The following USP32 variants were observed in gnomAD, a reference collection of about 807,000 sequenced individuals.
The protein encoded by USP32 is ubiquitin specific peptidase 32, also known as ubiquitin carboxyl-terminal hydrolase 32.
In USP32, 59 loss-of-function variants were observed where a neutral mutation model predicts 204.8. The ratio of observed to expected loss-of-function variants is 0.29; its 90% CI spans 0.23 to 0.36. The LOEUF (loss-of-function observed/expected upper bound fraction) is 0.36, where lower values mean the gene tolerates loss of function less well. USP32 is among the 10% of genes least tolerant of loss of function. USP32 has a pLI of 1.00. For synonymous variants in USP32, 517 were observed against 678.4 expected, an observed-to-expected ratio of 0.76 and a Z score of 3.70; for missense variants, 1,160 against 1,946.4, an observed-to-expected ratio of 0.60 and a Z score of 7.60.
At chr17:60,332,933 C>T (rs919603560) in intron 2 of USP32, among the ~76,000 whole-genome samples, 1 of 152,042 alleles carries the variant, frequency 6.6e-6, no homozygotes, top group South Asian at 2.1e-4. Context: ...AAAAGAAAAT[C>T]CTCATTGTGA....
chr17:60,317,755 C>G (rs1198682895), intron 2 of USP32, among the ~76,000 whole-genome samples: 1 of 151,798 alleles, frequency 6.6e-6, no homozygotes, highest in African/African-American at 2.4e-5. Context: ...GATTGAGGTA[C>G]CACTGCATTC....
rs538902581 is a variant in USP32 at position 60,225,815 on chromosome 17, G to A, written c.1432+224C>T. 7.2e-5 allele frequency among the ~76,000 whole-genome samples: 11 copies of A among 152,146 alleles called. No individual in the cohort carries two copies. The East Asian group carries it at 1.6e-3, about 21-fold the overall frequency. On this transcript the variant is annotated intron_variant, in intron 13 of 33. Transcript: ENST00000300896. Reference sequence around the variant, plus strand: ...AAAAAAATACAAAAATTAGCCAGGCGTGGTGGCGGGTGCCTGTAATCGCAG... The same window carrying A: ...AAAAAAATACAAAAATTAGCCAGGCATGGTGGCGGGTGCCTGTAATCGCAG...
At chr17:60,259,487 G>T (rs745750033) in intron 9 of USP32, among the ~76,000 whole-genome samples, 4 of 152,122 alleles carry the variant, frequency 2.6e-5, no homozygotes, top group Non-Finnish European at 5.9e-5. Flanking sequence ...GTCCAGGGTT[G>T]GTTCCTGTCT....
chr17:60,367,020 G>C (rs928600782), intron 1 of USP32, among the ~76,000 whole-genome samples: 3 of 152,030 alleles, frequency 2.0e-5, no homozygotes, highest in Non-Finnish European at 4.4e-5. Context: ...GTAGAGACGG[G>C]GTTTCACCGT....
chr17:60,281,927 C>T (rs188845160), intron 5 of USP32, among the ~76,000 whole-genome samples: 29 of 152,288 alleles, frequency 1.9e-4, no homozygotes, highest in Non-Finnish European at 2.9e-5. Flanking sequence ...AATTCCAATG[C>T]TCAATATAGC....
chr17:60,274,054 T>C lies in USP32; in HGVS notation c.572-2573A>G, dbSNP rs188790898. Among the ~76,000 whole-genome samples the C allele has an allele frequency of 9.0e-4, 136 of 151,572 alleles. 1 individual carries two copies. The highest frequency in any genetic ancestry group is 8.8e-3 in the Admixed American group (134 of 15,220). On this transcript the variant is annotated intron_variant, in intron 5 of 33. Transcript: ENST00000300896. ...AACAGGCAAAGCTTTAAAATGTCTATTGTAAGTATCTCAGGAATTAAAGAA... is the reference window on the plus strand; with the variant it reads ...AACAGGCAAAGCTTTAAAATGTCTACTGTAAGTATCTCAGGAATTAAAGAA...
Position 60,178,774 on chromosome 17 carries a change from A to G in USP32, c.*481T>C, listed in dbSNP as rs550668153. The stretch of plus-strand genomic sequence containing the variant: ...TAAGAATCATTTGCACACCTTCGTG[A>G]TCTTGCTTTCTCCATCTTGTCAATA... On this transcript the variant is annotated 3_prime_UTR_variant, in exon 34 of 34. Coordinates refer to ENST00000300896, the MANE Select transcript of USP32 (RefSeq NM_032582.4). 5.3e-5 allele frequency among the ~76,000 whole-genome samples: 8 copies of G among 152,256 alleles called. No individual in the cohort carries two copies. The highest frequency in any genetic ancestry group is 1.2e-4 in the Non-Finnish European group (8 of 68,048).
intron 5 of USP32, among the ~76,000 whole-genome samples, chr17:60,282,170 A>G (rs928527747): frequency 2.0e-5 from 3 of 152,198 alleles, no homozygotes; most frequent in African/African-American, 7.2e-5. Flanking sequence ...GAGCAGTTAA[A>G]ATCATTACAT....
chr17:60,326,759 C>T (rs2088249288), intron 2 of USP32, among the ~76,000 whole-genome samples: 1 of 152,098 alleles, frequency 6.6e-6, no homozygotes, highest in Non-Finnish European at 1.5e-5. Flanking sequence ...AAATATTCCC[C>T]CCAAAGAGAC....
chr17:60,205,968 C>T (rs1271746924), intron 25 of USP32, among the ~76,000 whole-genome samples: 3 of 152,220 alleles, frequency 2.0e-5, no homozygotes, highest in East Asian at 3.8e-4. Context: ...TCTTTTCCTT[C>T]TCTTTGCCTT....
intron 2 of USP32, among the ~76,000 whole-genome samples, chr17:60,322,226 G>A (rs1256316164): frequency 6.6e-6 from 1 of 152,008 alleles, no homozygotes; most frequent in African/African-American, 2.4e-5. Flanking sequence ...GCCCAGGCTT[G>A]CCTCGAACTC....
intron 4 of USP32, among the ~76,000 whole-genome samples, chr17:60,294,466 T>G (rs1180918293): frequency 6.6e-5 from 10 of 151,986 alleles, no homozygotes. Context: ...TAAGTATGAA[T>G]AGTTGCCTTT....
intron 1 of USP32, among the ~76,000 whole-genome samples, chr17:60,365,985 G>A (rs1265899366): frequency 6.6e-6 from 1 of 151,950 alleles, no homozygotes; most frequent in Admixed American, 6.6e-5. Flanking sequence ...TGTTGTTGTT[G>A]TTGTTTTTTG....
Position 60,381,619 on chromosome 17 carries a change from C to T in USP32, c.58+10263G>A, listed in dbSNP as rs138288421. On this transcript the variant is annotated intron_variant, in intron 1 of 33. Coordinates refer to ENST00000300896, the MANE Select transcript of USP32 (RefSeq NM_032582.4). The stretch of plus-strand genomic sequence containing the variant: ...TATGGTTTGAAGTCAGTCGTTTCAG[C>T]ATGGCAAGCCCTAGTAGTTTCTATG... Among the ~76,000 whole-genome samples the T allele has an allele frequency of 6.7e-3, 1,020 of 152,246 alleles. 12 individuals are homozygous for T. The highest frequency in any genetic ancestry group is 0.023 in the African/African-American group (960 of 41,548).
At chr17:60,232,156 A>C (rs1042111128) in intron 12 of USP32, among the ~76,000 whole-genome samples, 1 of 149,748 alleles carries the variant, frequency 6.7e-6, no homozygotes, top group African/African-American at 2.5e-5. Flanking sequence ...TGTCAACACT[A>C]ATTTTCTTTT....
At chr17:60,421,278 C>A in intron 1 of USP32, 1 of 784,082 alleles carries the variant, frequency 1.3e-6, no homozygotes, top group African/African-American at 1.9e-5. Context: ...AACAACAAGA[C>A]GTTTGCTGAA....
chr17:60,233,132 T>C (rs2085618708), intron 12 of USP32, among the ~76,000 whole-genome samples: 1 of 152,190 alleles, frequency 6.6e-6, no homozygotes, highest in East Asian at 1.9e-4. Context: ...AAGTTTCTCA[T>C]AATAATAGCT....
intron 1 of USP32, among the ~76,000 whole-genome samples, chr17:60,419,411 G>A (rs778393307): frequency 1.3e-5 from 2 of 152,068 alleles, no homozygotes; most frequent in East Asian, 1.9e-4. Flanking sequence ...ATAACTAATG[G>A]GTACTAGGCT....
intron 1 of USP32, among the ~76,000 whole-genome samples, chr17:60,367,788 A>AC (rs1337308331): frequency 6.6e-6 from 1 of 152,202 alleles, no homozygotes; most frequent in Non-Finnish European, 1.5e-5. Flanking sequence ...AGCCTGGGTG[A>AC]CAGAGTGAGA....
Sources: allele counts gnomAD v4.1 joint callset (sites outside exome capture counted in the v4.1 genomes callset), GRCh38; gene constraint gnomAD v4.1.1; transcripts MANE v1.5; gene names NCBI Gene and HGNC (gene_info 2026-07-23, HGNC 2026-07-21).